The following NRXN1 variants were observed in gnomAD, a reference collection of about 807,000 sequenced individuals.
NRXN1 encodes neurexin 1, also known as neurexin-1.
A neutral mutation model predicts 150.9 loss-of-function variants in NRXN1; 39 were observed. The ratio of observed to expected loss-of-function variants is 0.26; its 90% CI spans 0.20 to 0.34. The LOEUF (loss-of-function observed/expected upper bound fraction) is 0.34, where lower values mean the gene tolerates loss of function less well. Among genes scored for constraint, NRXN1 ranks in the 10% least tolerant of loss-of-function variants. The pLI is 1.00. For missense variants in NRXN1, 1,815 were observed against 1,949.9 expected (o/e 0.93, Z 1.30); for synonymous variants, 924 against 757.0 (o/e 1.22, Z -3.62).
At chr2:50,375,970 T>TA (rs2080458546) in intron 17 of NRXN1, among the ~76,000 whole-genome samples, 1 of 151,860 alleles carries the variant, frequency 6.6e-6, no homozygotes, top group African/African-American at 2.4e-5. Context: ...GATATAGTCT[T>TA]AGCTCTGGAG....
At chr2:50,469,639 T>C (rs2089269611) in intron 16 of NRXN1, among the ~76,000 whole-genome samples, 2 of 151,346 alleles carry the variant, frequency 1.3e-5, no homozygotes, top group African/African-American at 4.8e-5. Flanking sequence ...CTGTAACAGG[T>C]AAATCTAAGA....
At chr2:50,746,112 A>T (rs3861565) in intron 5 of NRXN1, among the ~76,000 whole-genome samples, 34,065 of 151,958 alleles carry the variant, frequency 0.22, 4,142 homozygotes, top group African/African-American at 0.33. Flanking sequence ...ATATTTCTGA[A>T]TCAGTTTTGC....
chr2:50,195,562 G>C (rs1439599186), intron 18 of NRXN1, among the ~76,000 whole-genome samples: 1 of 152,096 alleles, frequency 6.6e-6, no homozygotes, highest in Admixed American at 6.6e-5. Context: ...ATATTTACAA[G>C]TCTATTCATC....
chr2:50,841,789 T>C (rs1672917299), intron 5 of NRXN1, among the ~76,000 whole-genome samples: 1 of 152,218 alleles, frequency 6.6e-6, no homozygotes, highest in Non-Finnish European at 1.5e-5. Flanking sequence ...AAGATCTTTC[T>C]TTATATTTCC....
chr2:50,928,254 A>G (rs1158711628), intron 2 of NRXN1, among the ~76,000 whole-genome samples: 1 of 152,020 alleles, frequency 6.6e-6, no homozygotes. Context: ...TGGGTGATAT[A>G]TTAACCACTG....
chr2:50,796,829 A>T (rs1706901547), intron 5 of NRXN1, among the ~76,000 whole-genome samples: 1 of 152,152 alleles, frequency 6.6e-6, no homozygotes, highest in South Asian at 2.1e-4. Flanking sequence ...AAACACCTTC[A>T]GTTGGATAAT....
chr2:50,989,371 G>A (rs138993474), intron 2 of NRXN1, among the ~76,000 whole-genome samples: 35 of 151,780 alleles, frequency 2.3e-4, no homozygotes, highest in African/African-American at 7.7e-4. Flanking sequence ...CTTATAAGTG[G>A]GTAATTATAT....
chr2:50,614,733 CAAAAAAA>C (rs33968907), intron 8 of NRXN1, among the ~76,000 whole-genome samples: 11 of 98,272 alleles, frequency 1.1e-4, no homozygotes, highest in South Asian at 8.1e-4. Flanking sequence ...ATCAGCCATT[CAAAAAAA>C]AAAAAAAAAA....
chr2:50,577,291 T>C, intron 8 of NRXN1, among the ~76,000 whole-genome samples: 1 of 152,238 alleles, frequency 6.6e-6, no homozygotes, highest in Admixed American at 6.5e-5. Context: ...AAGAAAATGT[T>C]GTTAATCTGT....
Position 49,920,577 on chromosome 2 carries a change from C to T in NRXN1, c.*1367G>A, listed in dbSNP as rs1424125957. 5 of 152,476 alleles carry T rather than the reference C, an allele frequency of 3.3e-5. No individual in the cohort carries two copies. Among genetic ancestry groups the T allele is most frequent in the African/African-American group, 1.2e-4 (5 of 41,380 alleles). 9.4% of individuals were successfully genotyped at this position (152,476 alleles called of 1,614,324 possible). A position where few individuals can be genotyped will look rare whatever the true frequency, so the allele number is the denominator to read the frequency against. On this transcript the variant is annotated 3_prime_UTR_variant, in exon 23 of 23. Transcript: ENST00000401669. The stretch of plus-strand genomic sequence containing the variant: ...AAGATCTCAATGAAGCAAATCACCC[C>T]ATTTGTCATCAATACCTTGGCACAA...
chr2:50,315,059 C>T (rs1038976715), intron 17 of NRXN1, among the ~76,000 whole-genome samples: 1 of 151,884 alleles, frequency 6.6e-6, no homozygotes, highest in Non-Finnish European at 1.5e-5. Context: ...ATAACCAGTT[C>T]GGTGTATATT....
At chr2:50,855,676 A>T (rs1244219831) in intron 5 of NRXN1, among the ~76,000 whole-genome samples, 1 of 152,072 alleles carries the variant, frequency 6.6e-6, no homozygotes, top group African/African-American at 2.4e-5. Context: ...TTGGAAATTT[A>T]AAATAATTTT....
chr2:51,022,162 G>A (rs1669713470), intron 2 of NRXN1, among the ~76,000 whole-genome samples: 1 of 152,046 alleles, frequency 6.6e-6, no homozygotes, highest in South Asian at 2.1e-4. Context: ...AGTGTCGGTG[G>A]AAATAGTCAG....
intron 15 of NRXN1, among the ~76,000 whole-genome samples, chr2:50,482,208 A>G (rs980536974): frequency 6.6e-6 from 1 of 152,198 alleles, no homozygotes; most frequent in Non-Finnish European, 1.5e-5. Context: ...CCTGGTGGGC[A>G]TGCTAAATGG....
At chr2:50,960,885 A>C (rs554204316) in intron 2 of NRXN1, among the ~76,000 whole-genome samples, 22 of 152,158 alleles carry the variant, frequency 1.4e-4, no homozygotes, top group Admixed American at 3.9e-4. Context: ...GAGTTCTCAC[A>C]AATTAACTTG....
At chr2:50,955,886 G>A (rs1692201055) in intron 2 of NRXN1, among the ~76,000 whole-genome samples, 1 of 152,186 alleles carries the variant, frequency 6.6e-6, no homozygotes, top group Non-Finnish European at 1.5e-5. Context: ...AACAAGTTCT[G>A]TAGCTACAGA....
At chr2:50,877,606 A>G (rs904911308) in intron 5 of NRXN1, among the ~76,000 whole-genome samples, 7 of 151,900 alleles carry the variant, frequency 4.6e-5, no homozygotes, top group Non-Finnish European at 5.9e-5. Flanking sequence ...TTCCAAATTC[A>G]TATTTTGCCT....
At chr2:50,232,688 T>A (rs2065060647) in intron 18 of NRXN1, among the ~76,000 whole-genome samples, 1 of 152,078 alleles carries the variant, frequency 6.6e-6, no homozygotes, top group African/African-American at 2.4e-5. Flanking sequence ...CCCGGCTATT[T>A]TTCTTATTAA....
intron 5 of NRXN1, among the ~76,000 whole-genome samples, chr2:50,647,985 G>C (rs1685071008): frequency 6.6e-6 from 1 of 151,828 alleles, no homozygotes; most frequent in East Asian, 1.9e-4. Flanking sequence ...ATGATATCAT[G>C]TATTTATTTC....
Sources: gnomAD v4.1 joint callset for allele counts (sites outside exome capture counted in the v4.1 genomes callset) on GRCh38, gnomAD v4.1.1 for gene constraint, MANE v1.5 for transcripts, NCBI Gene and HGNC (gene_info 2026-07-23, HGNC 2026-07-21) for gene names.